PINX1: variants seen among roughly 807,000 people sequenced by gnomAD.
PINX1 encodes PIN2/TERF1-interacting telomerase inhibitor 1.
Under a neutral mutation model 25.4 loss-of-function variants are expected in PINX1, and 34 were observed. The observed-to-expected ratio is 1.34, with a 90% CI of 1.02 to 1.78. The LOEUF is 1.78. Ranked by LOEUF, PINX1 falls within the 40% of genes most tolerant of loss-of-function variation. The pLI, the probability that PINX1 is intolerant of heterozygous loss-of-function variation, is 0.00. For synonymous variants in PINX1, 197 were observed against 147.7 expected (o/e 1.33, Z -2.42); for missense variants, 592 against 404.9 (o/e 1.46, Z -3.97).
chr8:10,820,324 C>A (rs752365222), intron 5 of PINX1, 55 bp from the exon 6 acceptor site: 1 of 1,253,490 alleles, frequency 8.0e-7, no homozygotes, highest in Non-Finnish European at 1.2e-6. Context: ...AAAGAAAGAG[C>A]GCAGACATGA....
At chr8:10,823,293 C>T (rs1344633035) in intron 5 of PINX1, among the ~76,000 whole-genome samples, 1 of 91,102 alleles carries the variant, frequency 1.1e-5, no homozygotes, top group Non-Finnish European at 2.3e-5. Flanking sequence ...AGCCCAAACT[C>T]TCAAAAGGAT....
intron 6 of PINX1, among the ~76,000 whole-genome samples, chr8:10,787,061 T>C (rs1212726463): frequency 6.6e-6 from 1 of 152,192 alleles, no homozygotes; most frequent in African/African-American, 2.4e-5. Flanking sequence ...ACAGTTTGAC[T>C]CTTACCCAAT....
At chr8:10,791,794 C>T (rs1244465069) in intron 6 of PINX1, among the ~76,000 whole-genome samples, 3 of 152,140 alleles carry the variant, frequency 2.0e-5, no homozygotes. Flanking sequence ...AACCTCTCTC[C>T]AGCACTGCGC....
At chr8:10,769,880 A>C (rs965305554) in intron 6 of PINX1, among the ~76,000 whole-genome samples, 14 of 152,140 alleles carry the variant, frequency 9.2e-5, no homozygotes, top group Non-Finnish European at 2.9e-5. Flanking sequence ...CCCAAAACTA[A>C]AGTATGTATC....
Position 10,826,220 on chromosome 8 carries a change from T to G in PINX1, c.326A>C (p.Lys109Thr). 1 of 1,585,070 alleles carries G rather than the reference T, an allele frequency of 6.3e-7. No homozygotes were observed. The highest frequency in any genetic ancestry group is 2.2e-5 in the East Asian group (1 of 44,724). Reference sequence around the variant, plus strand: ...GGACTTTTCCTCAAGGCTAAAAGATTTCTTTTCCTTCTTGTCCGAGGAATC... The same window carrying G: ...GGACTTTTCCTCAAGGCTAAAAGATGTCTTTTCCTTCTTGTCCGAGGAATC... ...TTDSSDKKEK[K>T]SFSLEEKSKI... The change falls in exon 5 of 7, where the codon AAA becomes ACA. Residue 109 changes from lysine to threonine, a missense_variant. Lys to Thr is a moderately conservative substitution (Grantham distance 78, BLOSUM62 -1). Coordinates refer to ENST00000314787, the MANE Select transcript of PINX1 (RefSeq NM_017884.6).
intron 6 of PINX1, among the ~76,000 whole-genome samples, chr8:10,767,452 C>T (rs1287786348): frequency 6.6e-6 from 1 of 151,838 alleles, no homozygotes; most frequent in Non-Finnish European, 1.5e-5. Context: ...TCAAAATAGG[C>T]AGAACATGAA....
chr8:10,798,810 C>T (rs149316552), intron 6 of PINX1, among the ~76,000 whole-genome samples: 90 of 152,324 alleles, frequency 5.9e-4, no homozygotes, highest in African/African-American at 2.1e-3. Flanking sequence ...ATGCTGATTT[C>T]TAGTGTCGAG....
chr8:10,836,714 T>C (rs924072215), intron 1 of PINX1, among the ~76,000 whole-genome samples: 3 of 152,136 alleles, frequency 2.0e-5, no homozygotes, highest in African/African-American at 7.2e-5. Flanking sequence ...CAGTTTCCCA[T>C]TGAAAATGAG....
At chr8:10,811,816 C>A (rs1008046304) in intron 6 of PINX1, among the ~76,000 whole-genome samples, 4 of 152,146 alleles carry the variant, frequency 2.6e-5, no homozygotes, top group Non-Finnish European at 5.9e-5. Flanking sequence ...GCCAACGAGG[C>A]CTCAGAAGTC....
chr8:10,831,851 T>G (rs570458590), intron 3 of PINX1, 108 bp from the exon 4 acceptor site: 1 of 666,108 alleles, frequency 1.5e-6, no homozygotes, highest in African/African-American at 1.8e-5. Flanking sequence ...TAAGAAATTT[T>G]AAATGTTCCA....
chr8:10,838,867 G>C (rs900962790), intron 1 of PINX1, among the ~76,000 whole-genome samples: 1 of 152,188 alleles, frequency 6.6e-6, no homozygotes, highest in Non-Finnish European at 1.5e-5. Context: ...AATCGGGATG[G>C]TGCCTGACCC....
intron 4 of PINX1, among the ~76,000 whole-genome samples, chr8:10,830,559 T>C (rs975598380): frequency 1.3e-5 from 2 of 152,328 alleles, no homozygotes; most frequent in East Asian, 3.9e-4. Flanking sequence ...CAAATATCTT[T>C]TGATTATTCA....
At chr8:10,773,388 C>A (rs4841441) in intron 6 of PINX1, among the ~76,000 whole-genome samples, 94,588 of 152,082 alleles carry the variant, frequency 0.62, 30,114 homozygotes, top group African/African-American at 0.73. Flanking sequence ...GTAGCAAAAG[C>A]CAGTAAAGAA....
chr8:10,806,501 A>G (rs1802457213), intron 6 of PINX1, among the ~76,000 whole-genome samples: 1 of 152,216 alleles, frequency 6.6e-6, no homozygotes, highest in Non-Finnish European at 1.5e-5. Context: ...TATTGAGAGG[A>G]AACAGTTTAT....
chr8:10,779,200 G>A (rs1235702763), intron 6 of PINX1, among the ~76,000 whole-genome samples: 1 of 152,348 alleles, frequency 6.6e-6, no homozygotes, highest in South Asian at 2.1e-4. Flanking sequence ...GCCCTGCAGA[G>A]TCTGACAGTG....
At chr8:10,828,111 G>A (rs549881295) in intron 4 of PINX1, among the ~76,000 whole-genome samples, 62 of 152,116 alleles carry the variant, frequency 4.1e-4, no homozygotes, top group African/African-American at 1.4e-3. Context: ...CAGCAGGCTC[G>A]AAAGAACGTG....
intron 1 of PINX1, among the ~76,000 whole-genome samples, 196 bp downstream of exon 1, chr8:10,839,542 T>C (rs1247238315): frequency 1.3e-5 from 2 of 152,222 alleles, no homozygotes; most frequent in African/African-American, 2.4e-5. Context: ...TCTCTCTCAC[T>C]AGCAGACCTG....
intron 6 of PINX1, among the ~76,000 whole-genome samples, chr8:10,802,729 A>G (rs1474340092): frequency 1.3e-5 from 2 of 152,166 alleles, no homozygotes; most frequent in Non-Finnish European, 2.9e-5. Context: ...ATCTCTATGA[A>G]GGGAATGTAC....
intron 6 of PINX1, among the ~76,000 whole-genome samples, chr8:10,767,789 G>A (rs1481994944): frequency 8.5e-5 from 10 of 117,280 alleles, no homozygotes; most frequent in South Asian, 3.4e-4. Flanking sequence ...CGGTGACCAG[G>A]CACCCTCACA....
Sources: allele counts gnomAD v4.1 joint callset (sites outside exome capture counted in the v4.1 genomes callset), GRCh38; gene constraint gnomAD v4.1.1; transcripts MANE v1.5; gene names NCBI Gene and HGNC (gene_info 2026-07-23, HGNC 2026-07-21).